EPHA6: variants seen among roughly 807,000 people sequenced by gnomAD.
The protein encoded by EPHA6 is ephrin type-A receptor 6.
Under a neutral mutation model 112.0 loss-of-function variants are expected in EPHA6, and 50 were observed. That is an observed-to-expected ratio of 0.45 (90% CI 0.36 to 0.56). The LOEUF is 0.56. Among genes scored for constraint, EPHA6 ranks in the 20% least tolerant of loss-of-function variants. The pLI is 0.00. For synonymous variants in EPHA6, 529 were observed against 490.7 expected, an observed-to-expected ratio of 1.08 and a Z score of -1.03; for missense variants, 1,280 against 1,417.4, an observed-to-expected ratio of 0.90 and a Z score of 1.56.
At chr3:96,984,342 T>A (rs1312898237) in intron 2 of EPHA6, among the ~76,000 whole-genome samples, 1 of 152,212 alleles carries the variant, frequency 6.6e-6, no homozygotes, top group East Asian at 1.9e-4. Flanking sequence ...TGCCTGGGTA[T>A]CTGCAGTGGA....
intron 14 of EPHA6, among the ~76,000 whole-genome samples, chr3:97,678,766 A>G (rs2031615992): frequency 6.6e-6 from 1 of 152,106 alleles, no homozygotes; most frequent in South Asian, 2.1e-4. Context: ...TATGATTATT[A>G]CTTTTATATG....
intron 14 of EPHA6, among the ~76,000 whole-genome samples, chr3:97,688,893 A>G (rs2032453556): frequency 6.6e-6 from 1 of 152,080 alleles, no homozygotes; most frequent in African/African-American, 2.4e-5. Flanking sequence ...AAAGAGCTAT[A>G]CCCCCAATCC....
chr3:97,599,926 A>G (rs1278035818), intron 12 of EPHA6, among the ~76,000 whole-genome samples: 4 of 151,686 alleles, frequency 2.6e-5, no homozygotes, highest in Admixed American at 1.3e-4. Flanking sequence ...ATTTGTTTGT[A>G]TCCTCTTTTA....
At chr3:97,705,445 T>C (rs960166924) in intron 14 of EPHA6, among the ~76,000 whole-genome samples, 2 of 152,202 alleles carry the variant, frequency 1.3e-5, no homozygotes, top group African/African-American at 4.8e-5. Context: ...ACCTGTTACA[T>C]GATTAGCACT....
At chr3:97,612,466 A>G (rs2107465166) in intron 13 of EPHA6, 1 of 373,494 alleles carries the variant, frequency 2.7e-6, no homozygotes, top group Non-Finnish European at 5.4e-6. Flanking sequence ...GACTACCACA[A>G]GCAAATAAGG....
intron 14 of EPHA6, among the ~76,000 whole-genome samples, chr3:97,650,007 T>G (rs1185296795): frequency 1.3e-5 from 2 of 152,278 alleles, no homozygotes; most frequent in Middle Eastern, 3.4e-3. Context: ...CAATATAAAC[T>G]TTTTGTAAAG....
chr3:97,541,727 G>GTTTTTTTTTTTTTTT (rs59024112), intron 11 of EPHA6, among the ~76,000 whole-genome samples: 1 of 131,892 alleles, frequency 7.6e-6, no homozygotes, highest in Non-Finnish European at 1.7e-5. Flanking sequence ...TCTTTTTTTT[G>GTTTTTTTTTTTTTTT]TTTTTTTTTT....
At chr3:97,572,727 G>A (rs2093346872) in intron 11 of EPHA6, 2 of 152,088 alleles carry the variant, frequency 1.3e-5, no homozygotes, top group South Asian at 2.1e-4. Flanking sequence ...CTTTCCTGAG[G>A]TGATGTCTTC....
At chr3:97,360,694 G>A (rs80187832) in intron 5 of EPHA6, among the ~76,000 whole-genome samples, 2,422 of 152,184 alleles carry the variant, frequency 0.016, 79 homozygotes, top group African/African-American at 0.055. Context: ...ACCACGTTTG[G>A]TTAATACAAT....
At chr3:97,514,414 A>G (rs998490582) in intron 10 of EPHA6, among the ~76,000 whole-genome samples, 2 of 152,100 alleles carry the variant, frequency 1.3e-5, no homozygotes, top group Non-Finnish European at 2.9e-5. Flanking sequence ...ATTAATGATA[A>G]TCTTCATATT....
intron 5 of EPHA6, among the ~76,000 whole-genome samples, chr3:97,281,947 A>G (rs568706644): frequency 2.6e-5 from 4 of 152,294 alleles, no homozygotes; most frequent in Non-Finnish European, 5.9e-5. Context: ...ATATCACCAA[A>G]TTTTTAATAA....
intron 10 of EPHA6, among the ~76,000 whole-genome samples, chr3:97,505,373 G>A (rs1487338882): frequency 2.0e-5 from 3 of 149,276 alleles, no homozygotes; most frequent in Admixed American, 1.3e-4. Flanking sequence ...GATGTGTGAT[G>A]TTTGCCTCCC....
chr3:97,009,903 G>T (rs374038355), intron 3 of EPHA6: 5 of 452,852 alleles, frequency 1.1e-5, no homozygotes, highest in South Asian at 6.4e-5. Context: ...TCTCTCCATG[G>T]GTCATGCTAG....
chr3:97,424,543 C>T (rs542238005), intron 6 of EPHA6, among the ~76,000 whole-genome samples: 3 of 152,074 alleles, frequency 2.0e-5, no homozygotes, highest in Non-Finnish European at 2.9e-5. Context: ...GGTGGTCATG[C>T]CTGTAATCCC....
chr3:96,908,797 TA>T (rs2039069077), intron 2 of EPHA6, among the ~76,000 whole-genome samples: 1 of 151,972 alleles, frequency 6.6e-6, no homozygotes, highest in Non-Finnish European at 1.5e-5. Flanking sequence ...CCTATTAGTG[TA>T]AACTGTTGAT....
chr3:97,379,295 A>G (rs1444143530), intron 5 of EPHA6, among the ~76,000 whole-genome samples: 2 of 152,156 alleles, frequency 1.3e-5, no homozygotes, highest in South Asian at 2.1e-4. Flanking sequence ...AGTCTTGTGT[A>G]TGTATTTATC....
intron 13 of EPHA6, among the ~76,000 whole-genome samples, chr3:97,634,300 A>G (rs2093927510): frequency 6.6e-6 from 1 of 151,914 alleles, no homozygotes; most frequent in African/African-American, 2.4e-5. Flanking sequence ...AATGTTAGCT[A>G]TTTTTCTCCT....
chr3:97,704,761 T>C (rs1019338661), intron 14 of EPHA6, among the ~76,000 whole-genome samples: 3 of 152,180 alleles, frequency 2.0e-5, no homozygotes. Context: ...TTTGACTCTC[T>C]ATTTAGATTA....
intron 10 of EPHA6, among the ~76,000 whole-genome samples, chr3:97,497,337 C>A (rs1370526627): frequency 2.0e-5 from 3 of 152,198 alleles, no homozygotes; most frequent in Non-Finnish European, 4.4e-5. Flanking sequence ...ACCTGGTATT[C>A]TGTCTAACTA....
Sources: allele counts gnomAD v4.1 joint callset (sites outside exome capture counted in the v4.1 genomes callset), GRCh38; gene constraint gnomAD v4.1.1; transcripts MANE v1.5; gene names NCBI Gene and HGNC (gene_info 2026-07-23, HGNC 2026-07-21).